Variants in TEAD1 observed in about 807,000 individuals in gnomAD.
The protein encoded by TEAD1 is TEA domain transcription factor 1, also known as transcriptional enhancer factor TEF-1.
TEAD1 carries 9 observed loss-of-function variants against 54.9 expected under a neutral mutation model. The observed-to-expected ratio is 0.16, with a 90% confidence interval of 0.10 to 0.29. TEAD1 has a LOEUF of 0.29. Ranked by LOEUF, TEAD1 falls within the 10% of genes least tolerant of loss-of-function variation. The pLI is 1.00. For missense variants in TEAD1, 387 were observed against 535.9 expected (o/e 0.72, Z 2.74); for synonymous variants, 200 against 187.8 (o/e 1.07, Z -0.53).
intron 3 of TEAD1, among the ~76,000 whole-genome samples, chr11:12,824,351 G>A (rs920622145): frequency 1.1e-4 from 16 of 152,204 alleles, no homozygotes; most frequent in Non-Finnish European, 1.9e-4. Context: ...CTGTGCTCCA[G>A]GCTGGAAGTT....
chr11:12,793,632 A>T (rs1301926918), intron 3 of TEAD1, among the ~76,000 whole-genome samples: 1 of 152,212 alleles, frequency 6.6e-6, no homozygotes, highest in African/African-American at 2.4e-5. Flanking sequence ...CAAGTTTGGC[A>T]TTCCATTCAT....
intron 2 of TEAD1, among the ~76,000 whole-genome samples, chr11:12,686,085 A>G (rs1943327384): frequency 6.6e-6 from 1 of 152,092 alleles, no homozygotes; most frequent in South Asian, 2.1e-4. Context: ...ATGGCTGAGT[A>G]CCTGTTTGCC....
At chr11:12,738,113 G>A in intron 2 of TEAD1, among the ~76,000 whole-genome samples, 1 of 152,172 alleles carries the variant, frequency 6.6e-6, no homozygotes, top group East Asian at 1.9e-4. Flanking sequence ...CACAACATGT[G>A]GGAATTATGG....
At chr11:12,874,998 GC>G (rs1368186329) in intron 5 of TEAD1, among the ~76,000 whole-genome samples, 3 of 152,136 alleles carry the variant, frequency 2.0e-5, no homozygotes, top group Non-Finnish European at 2.9e-5. Flanking sequence ...TTGCTCATAT[GC>G]ACACGCACGC....
Position 12,879,722 on chromosome 11 carries a change from G to A in TEAD1, c.345G>A (p.Lys115=), listed in dbSNP as rs750882773. 6.2e-7 allele frequency: 1 copy of A among 1,614,212 alleles called. No individual in the cohort carries two copies. The change falls in exon 6 of 13, where the codon AAG becomes AAA. Residue 115 remains lysine, a synonymous_variant. Coordinates refer to ENST00000527636, the MANE Select transcript of TEAD1 (RefSeq NM_021961.6). ...TCACCTTCAAGGATCAGACTGCAAA[G>A]GATAAGGCCCTGCAGCACATGGCGG... is the stretch of plus-strand genomic sequence containing the variant.
chr11:12,925,172 T>C, intron 11 of TEAD1, 120 bp downstream of exon 11: 1 of 1,174,094 alleles, frequency 8.5e-7, no homozygotes, highest in Non-Finnish European at 1.2e-6. Flanking sequence ...TCTGTATTAG[T>C]CCATTCTCAC....
At chr11:12,851,176 T>TA (rs966549495) in intron 3 of TEAD1, 25 of 818,092 alleles carry the variant, frequency 3.1e-5, no homozygotes, top group African/African-American at 9.3e-5. Context: ...CGTGGAATCT[T>TA]AAAAAAAAGT....
At chr11:12,820,467 T>C (rs1299526330) in intron 3 of TEAD1, among the ~76,000 whole-genome samples, 1 of 152,106 alleles carries the variant, frequency 6.6e-6, no homozygotes, top group Non-Finnish European at 1.5e-5. Context: ...ACCCAAACCA[T>C]GATCTCAGAT....
chr11:12,722,808 T>C (rs1944238713), intron 2 of TEAD1, among the ~76,000 whole-genome samples: 1 of 152,228 alleles, frequency 6.6e-6, no homozygotes, highest in African/African-American at 2.4e-5. Flanking sequence ...TCTCTGTATC[T>C]GTAATCATAT....
chr11:12,910,246 C>CT (rs144745014), intron 10 of TEAD1, among the ~76,000 whole-genome samples: 8,863 of 152,202 alleles, frequency 0.058, 364 homozygotes, highest in East Asian at 0.12. Flanking sequence ...TAATTTCTAG[C>CT]TATATGAAGT....
At chr11:12,840,337 G>A (rs1217317825) in intron 3 of TEAD1, among the ~76,000 whole-genome samples, 1 of 151,262 alleles carries the variant, frequency 6.6e-6, no homozygotes, top group African/African-American at 2.4e-5. Context: ...AGAGATGGAT[G>A]TTTTCACTAT....
At chr11:12,899,584 C>A (rs1948385274) in intron 9 of TEAD1, among the ~76,000 whole-genome samples, 1 of 152,278 alleles carries the variant, frequency 6.6e-6, no homozygotes, top group Non-Finnish European at 1.5e-5. Flanking sequence ...CTTCCCACCC[C>A]CATAATCTCA....
intron 3 of TEAD1, among the ~76,000 whole-genome samples, chr11:12,790,607 A>G (rs1287544036): frequency 6.6e-6 from 1 of 152,244 alleles, no homozygotes; most frequent in African/African-American, 2.4e-5. Context: ...CCAGTATTAA[A>G]GAATCTCAGA....
intron 2 of TEAD1, among the ~76,000 whole-genome samples, chr11:12,686,711 C>A (rs1037298087): frequency 1.3e-5 from 2 of 151,888 alleles, no homozygotes; most frequent in Non-Finnish European, 2.9e-5. Flanking sequence ...CTATGATGCA[C>A]CTAAATAGAT....
chr11:12,851,290 AT>A (rs1401645206), intron 3 of TEAD1, among the ~76,000 whole-genome samples: 1 of 152,250 alleles, frequency 6.6e-6, no homozygotes, highest in Non-Finnish European at 1.5e-5. Context: ...AGTAGCAGAT[AT>A]GCGTCTAGAG....
At chr11:12,788,126 C>T (rs1021451594) in intron 3 of TEAD1, among the ~76,000 whole-genome samples, 4 of 151,054 alleles carry the variant, frequency 2.6e-5, no homozygotes, top group African/African-American at 9.8e-5. Flanking sequence ...CCACCATGCC[C>T]AGCTAATTTT....
At chr11:12,750,758 T>A (rs1315275852) in intron 2 of TEAD1, among the ~76,000 whole-genome samples, 1 of 152,132 alleles carries the variant, frequency 6.6e-6, no homozygotes, top group Non-Finnish European at 1.5e-5. Context: ...CCACATCTCC[T>A]CCACTAATAC....
intron 2 of TEAD1, among the ~76,000 whole-genome samples, chr11:12,752,837 ATATGC>A (rs774240666): frequency 1.4e-5 from 2 of 140,406 alleles, no homozygotes; most frequent in Non-Finnish European, 3.1e-5. Context: ...TATTTTATGA[ATATGC>A]TACAGTTTTT....
chr11:12,704,070 C>T (rs1021079797), intron 2 of TEAD1, among the ~76,000 whole-genome samples: 2 of 152,188 alleles, frequency 1.3e-5, no homozygotes. Context: ...GTCAGAGATA[C>T]ATATATTTAT....
Sources: allele counts gnomAD v4.1 joint callset (sites outside exome capture counted in the v4.1 genomes callset), GRCh38; gene constraint gnomAD v4.1.1; transcripts MANE v1.5; gene names NCBI Gene and HGNC (gene_info 2026-07-23, HGNC 2026-07-21).